PRELID3A: variants seen among roughly 807,000 people sequenced by gnomAD.
The protein encoded by PRELID3A is PRELI domain containing 3A, also known as PRELI domain containing protein 3A.
Under a neutral mutation model 23.0 loss-of-function variants are expected in PRELID3A, and 27 were observed. That is an observed-to-expected ratio of 1.17 (90% CI 0.87 to 1.62). The LOEUF (loss-of-function observed/expected upper bound fraction) is 1.62, where lower values mean the gene tolerates loss of function less well. Ranked by LOEUF, PRELID3A falls within the 40% of genes most tolerant of loss-of-function variation. The pLI, the probability that PRELID3A is intolerant of heterozygous loss-of-function variation, is 0.00. For missense variants in PRELID3A, 231 were observed against 231.4 expected (o/e 1.00, Z 0.01); for synonymous variants, 87 against 86.4 (o/e 1.01, Z -0.04).
At chr18:12,418,864 G>A (rs941630896) in intron 1 of PRELID3A, among the ~76,000 whole-genome samples, 2 of 152,194 alleles carry the variant, frequency 1.3e-5, no homozygotes, top group Non-Finnish European at 1.5e-5. Context: ...AAAGCAATGG[G>A]TGACTTGCAA....
intron 1 of PRELID3A, among the ~76,000 whole-genome samples, chr18:12,411,345 A>G (rs1909903119): frequency 6.6e-6 from 1 of 151,386 alleles, no homozygotes; most frequent in Admixed American, 6.6e-5. Context: ...GGGTGCCTGT[A>G]GTCCCAGCTA....
intron 3 of PRELID3A, among the ~76,000 whole-genome samples, chr18:12,424,218 C>T (rs9945860): frequency 0.17 from 25,602 of 152,182 alleles, 2,460 homozygotes; most frequent in East Asian, 0.39. Flanking sequence ...GAAATTCCAC[C>T]TTATCCTTCC....
chr18:12,419,385 T>C (rs2030069699), intron 1 of PRELID3A, among the ~76,000 whole-genome samples: 1 of 149,562 alleles, frequency 6.7e-6, no homozygotes, highest in Admixed American at 6.6e-5. Flanking sequence ...TCCCAGCACT[T>C]TGGGAGGCTG....
At chr18:12,416,869 TCTC>T (rs1439081152) in intron 1 of PRELID3A, among the ~76,000 whole-genome samples, 1 of 151,942 alleles carries the variant, frequency 6.6e-6, no homozygotes, top group Non-Finnish European at 1.5e-5. Flanking sequence ...ATGGTCTCGA[TCTC>T]CTGACCTCGC....
At chr18:12,423,584 G>C (rs1387377087) in intron 3 of PRELID3A, among the ~76,000 whole-genome samples, 1 of 152,174 alleles carries the variant, frequency 6.6e-6, no homozygotes, top group African/African-American at 2.4e-5. Context: ...TGCACATCTT[G>C]AGTATGCAGC....
intron 5 of PRELID3A, among the ~76,000 whole-genome samples, chr18:12,428,433 C>T (rs1174974173): frequency 1.3e-5 from 2 of 152,202 alleles, no homozygotes; most frequent in Non-Finnish European, 2.9e-5. Context: ...TCCCTTTCCT[C>T]CCTCTTTCTC....
intron 1 of PRELID3A, among the ~76,000 whole-genome samples, chr18:12,416,318 T>TTG (rs1408709715): frequency 1.3e-5 from 2 of 151,978 alleles, no homozygotes; most frequent in African/African-American, 4.8e-5. Flanking sequence ...GTTGTTGTTG[T>TTG]TTGTTTTTTT....
chr18:12,429,676 T>C (rs932039769), intron 6 of PRELID3A, among the ~76,000 whole-genome samples: 6 of 152,232 alleles, frequency 3.9e-5, no homozygotes, highest in Non-Finnish European at 8.8e-5. Flanking sequence ...CTGGGTCGCA[T>C]GGTGGCAGCT....
chr18:12,412,240 G>T (rs1381320031), intron 1 of PRELID3A, among the ~76,000 whole-genome samples: 8 of 147,262 alleles, frequency 5.4e-5, no homozygotes, highest in Non-Finnish European at 7.5e-5. Flanking sequence ...CAGGCTGGAG[G>T]GCAGTGGCGG....
chr18:12,411,602 C>T (rs192177452), intron 1 of PRELID3A, among the ~76,000 whole-genome samples: 58 of 152,298 alleles, frequency 3.8e-4, no homozygotes, highest in Admixed American at 1.8e-3. Flanking sequence ...AGGCTGCACA[C>T]ACCTTTGATT....
intron 1 of PRELID3A, among the ~76,000 whole-genome samples, chr18:12,414,941 T>C (rs1598856551): frequency 6.6e-6 from 1 of 152,184 alleles, no homozygotes. Flanking sequence ...TTTTCTTTCT[T>C]TTTTTTAGAG....
In PRELID3A at chr18:12,408,025, G is replaced by A; in HGVS notation, c.32+18G>A. 7.9e-7 allele frequency: 1 copy of A among 1,263,598 alleles called. No individual in the cohort carries two copies. The highest frequency in any genetic ancestry group is 3.0e-5 in the South Asian group (1 of 32,822). The allele number at this position is 1,263,598 out of a possible 1,614,324, so 78.3% of individuals were successfully genotyped here. A position where few individuals can be genotyped will look rare whatever the true frequency, so the allele number is the denominator to read the frequency against. On this transcript the variant is annotated intron_variant, in intron 1 of 6. Transcript: ENST00000440960. ...GTGTTTGGGTGAGGCCGGGCTGAGGGCCGCGGTGGGGCCGTCCAGACGCCG... is the reference window on the plus strand; with the variant it reads ...GTGTTTGGGTGAGGCCGGGCTGAGGACCGCGGTGGGGCCGTCCAGACGCCG...
chr18:12,420,013 G>A (rs1568162742), intron 1 of PRELID3A: 5 of 658,664 alleles, frequency 7.6e-6, no homozygotes, highest in Non-Finnish European at 1.1e-5. Flanking sequence ...GAGGCAGGAT[G>A]TTCACTTGAG....
At chr18:12,423,487 C>T (rs563898217) in intron 3 of PRELID3A, among the ~76,000 whole-genome samples, 84 of 152,220 alleles carry the variant, frequency 5.5e-4, no homozygotes, top group African/African-American at 1.8e-3. Flanking sequence ...AGGAGGCTCA[C>T]GACGCAGCTC....
intron 1 of PRELID3A, among the ~76,000 whole-genome samples, chr18:12,408,344 G>C (rs1377547030): frequency 2.0e-5 from 3 of 151,230 alleles, no homozygotes; most frequent in Non-Finnish European, 4.4e-5. Flanking sequence ...CCGGAGCCGG[G>C]GGGGCGGCCG....
chr18:12,413,143 T>G (rs532918164), intron 1 of PRELID3A, among the ~76,000 whole-genome samples: 121 of 152,358 alleles, frequency 7.9e-4, no homozygotes, highest in Middle Eastern at 6.8e-3. Flanking sequence ...CGGTAGCTTC[T>G]TAACACTTAG....
intron 3 of PRELID3A, among the ~76,000 whole-genome samples, chr18:12,425,346 C>T (rs568380809): frequency 6.0e-5 from 9 of 151,074 alleles, no homozygotes; most frequent in East Asian, 5.9e-4. Context: ...ATAGGCTGGG[C>T]GCAGTGGCTC....
chr18:12,426,733 G>A (rs149078666), intron 3 of PRELID3A, among the ~76,000 whole-genome samples: 2,303 of 152,112 alleles, frequency 0.015, 32 homozygotes, highest in Non-Finnish European at 0.022. Context: ...CACTTATATG[G>A]ACACACAGGC....
intron 2 of PRELID3A, among the ~76,000 whole-genome samples, chr18:12,420,870 C>T (rs973348440): frequency 2.6e-5 from 4 of 151,760 alleles, no homozygotes; most frequent in Non-Finnish European, 5.9e-5. Flanking sequence ...TGGCGTCTGG[C>T]ATCCCCATCT....
Sources: allele counts gnomAD v4.1 joint callset (sites outside exome capture counted in the v4.1 genomes callset), GRCh38; gene constraint gnomAD v4.1.1; transcripts MANE v1.5; gene names NCBI Gene and HGNC (gene_info 2026-07-23, HGNC 2026-07-21).